EPG5: variants seen among roughly 807,000 people sequenced by gnomAD.
EPG5 encodes the protein ectopic P-granules 5 autophagy tethering factor, also known as ectopic P granules protein 5 homolog.
Under a neutral mutation model 302.7 loss-of-function variants are expected in EPG5, and 159 were observed. The observed-to-expected ratio is 0.53, with a 90% CI of 0.46 to 0.60. EPG5 has a LOEUF of 0.60. Among genes scored for constraint, EPG5 ranks in the 20% least tolerant of loss-of-function variants. EPG5 has a pLI of 0.00. For missense variants in EPG5, 2,896 were observed against 3,092.4 expected, an observed-to-expected ratio of 0.94 and a Z score of 1.51; for synonymous variants, 1,158 against 1,136.8, an observed-to-expected ratio of 1.02 and a Z score of -0.37.
chr18:45,963,094 G>A (rs1353810118), intron 1 of EPG5, among the ~76,000 whole-genome samples: 1 of 152,164 alleles, frequency 6.6e-6, no homozygotes, highest in Non-Finnish European at 1.5e-5. Flanking sequence ...GCTACGAAGG[G>A]TACTGAGAAC....
chr18:45,930,856 G>T, intron 11 of EPG5, 26 bp from the exon 12 acceptor site: 1 of 1,562,566 alleles, frequency 6.4e-7, no homozygotes, highest in South Asian at 1.2e-5. Flanking sequence ...AAGAAAATTA[G>T]AGTGGGGAAA....
At chr18:45,949,457 TC>T (rs752314732) in intron 5 of EPG5, 26 bp downstream of exon 5, 1 of 1,446,846 alleles carries the variant, frequency 6.9e-7, no homozygotes, top group Non-Finnish European at 9.7e-7. Flanking sequence ...CCCCAACCCC[TC>T]AGAATGAGTT....
chr18:45,929,835 G>C (rs2050360369), intron 12 of EPG5, among the ~76,000 whole-genome samples: 1 of 152,186 alleles, frequency 6.6e-6, no homozygotes, highest in Admixed American at 6.5e-5. Context: ...AGGAACAGCT[G>C]AATCAAGTAT....
the EPG5 span, chr18:45,837,455 G>A: frequency 2.8e-6 from 4 of 1,421,102 alleles, no homozygotes; most frequent in African/African-American, 3.0e-5. Flanking sequence ...TCCAGGCCCC[G>A]GGTGCGGGCG....
In EPG5 at chr18:45,850,668, T is replaced by C. The variant is rs2048412069; in HGVS notation, c.*1799A>G. 6.6e-6 allele frequency: 1 copy of C among 152,666 alleles called. No homozygotes were observed. Among genetic ancestry groups the C allele is most frequent in the African/African-American group, 2.4e-5 (1 of 41,466 alleles). The allele number at this position is 152,666 out of a possible 1,614,324, so 9.5% of individuals were successfully genotyped here. A position where few individuals can be genotyped will look rare whatever the true frequency, so the allele number is the denominator to read the frequency against. On this transcript the variant is annotated 3_prime_UTR_variant, in exon 44 of 44. Coordinates refer to ENST00000282041, the MANE Select transcript of EPG5 (RefSeq NM_020964.3). ...AGTTACAACCAAAGATAAATGATTT[T>C]ATTTTTTATAATTTTTACAGACCAA...
At chr18:45,897,615 A>G (rs1424177051) in intron 27 of EPG5, among the ~76,000 whole-genome samples, 7 of 152,236 alleles carry the variant, frequency 4.6e-5, no homozygotes, top group Non-Finnish European at 1.0e-4. Flanking sequence ...GCACCTGGCC[A>G]AAGATAACTC....
At chr18:45,857,703 G>GC in intron 42 of EPG5, 150 bp downstream of exon 42, 1 of 548,142 alleles carries the variant, frequency 1.8e-6, no homozygotes, top group Admixed American at 3.3e-5. Context: ...ATCAGGCTCT[G>GC]TTTTTTTTTT....
chr18:45,888,888 A>G (rs937924333), intron 28 of EPG5, among the ~76,000 whole-genome samples: 8 of 152,220 alleles, frequency 5.3e-5, no homozygotes, highest in Non-Finnish European at 7.3e-5. Flanking sequence ...TTCTTTATAT[A>G]ATTTTTTTAA....
intron 27 of EPG5, among the ~76,000 whole-genome samples, chr18:45,895,601 T>A (rs2049453039): frequency 6.6e-6 from 1 of 152,142 alleles, no homozygotes; most frequent in African/African-American, 2.4e-5. Context: ...GGGTTTGAGT[T>A]GAGGAGGAAG....
the EPG5 span, among the ~76,000 whole-genome samples, chr18:45,828,587 G>C: frequency 6.6e-6 from 1 of 152,186 alleles, no homozygotes; most frequent in Admixed American, 6.5e-5. Context: ...CTTGTGCCAG[G>C]CCTGTGACAA....
the EPG5 span, chr18:45,842,013 TCTC>T: frequency 5.2e-6 from 6 of 1,144,906 alleles, no homozygotes; most frequent in East Asian, 1.2e-4. Flanking sequence ...CCCCAGAATG[TCTC>T]CTCTTCTTGG....
intron 27 of EPG5, among the ~76,000 whole-genome samples, chr18:45,895,602 G>A (rs150860079): frequency 6.6e-5 from 10 of 152,312 alleles, no homozygotes; most frequent in African/African-American, 2.4e-4. Context: ...GGTTTGAGTT[G>A]AGGAGGAAGA....
intron 22 of EPG5, among the ~76,000 whole-genome samples, chr18:45,911,160 C>T (rs1270842928): frequency 6.6e-6 from 1 of 151,362 alleles, no homozygotes; most frequent in Non-Finnish European, 1.5e-5. Flanking sequence ...CTCGCTCTGT[C>T]ACCCAGGCTG....
At chr18:45,857,810 G>A in intron 42 of EPG5, 43 bp downstream of exon 42, 1 of 1,534,540 alleles carries the variant, frequency 6.5e-7, no homozygotes, top group Non-Finnish European at 9.0e-7. Flanking sequence ...ACAGATGTCT[G>A]AGGCCTATTT....
chr18:45,955,482 G>T, intron 1 of EPG5, 144 bp from the exon 2 acceptor site: 1 of 601,674 alleles, frequency 1.7e-6, no homozygotes, highest in Non-Finnish European at 2.8e-6. Context: ...TTTTTGAACA[G>T]ATATGAACAA....
the EPG5 span, among the ~76,000 whole-genome samples, chr18:45,810,512 C>T: frequency 1.6e-4 from 25 of 152,206 alleles, no homozygotes; most frequent in African/African-American, 5.3e-4. Flanking sequence ...AAAGATAATC[C>T]GGCCGGGCTC....
chr18:45,821,326 CTT>C, the EPG5 span, among the ~76,000 whole-genome samples: 1 of 152,220 alleles, frequency 6.6e-6, no homozygotes, highest in Admixed American at 6.5e-5. Flanking sequence ...AACAAACTAA[CTT>C]TATCTTACTT....
At chr18:45,890,976 C>T (rs1007578822) in intron 27 of EPG5, among the ~76,000 whole-genome samples, 34 of 152,116 alleles carry the variant, frequency 2.2e-4, no homozygotes, top group African/African-American at 7.5e-4. Flanking sequence ...ATTTAGAAGG[C>T]AAGAGTTCTA....
intron 3 of EPG5, 43 bp from the exon 4 acceptor site, chr18:45,951,281 T>C: frequency 1.5e-6 from 2 of 1,357,178 alleles, no homozygotes; most frequent in Non-Finnish European, 9.6e-7. Flanking sequence ...TAAATGGTGT[T>C]TTTGGGGGAA....
Sources: gnomAD v4.1 joint callset for allele counts (sites outside exome capture counted in the v4.1 genomes callset) on GRCh38, gnomAD v4.1.1 for gene constraint, MANE v1.5 for transcripts, NCBI Gene and HGNC (gene_info 2026-07-23, HGNC 2026-07-21) for gene names.